The following PRKN variants were observed in gnomAD, a reference collection of about 807,000 sequenced individuals.
The protein encoded by PRKN is E3 ubiquitin-protein ligase parkin.
A neutral mutation model predicts 59.5 loss-of-function variants in PRKN; 56 were observed. The observed-to-expected ratio is 0.94, with a 90% CI of 0.76 to 1.18. The LOEUF is 1.18. Ranked by LOEUF, PRKN falls within the 50% of genes most tolerant of loss-of-function variation. The pLI, the probability that PRKN is intolerant of heterozygous loss-of-function variation, is 0.00. For synonymous variants in PRKN, 250 were observed against 222.1 expected (o/e 1.13, Z -1.12); for missense variants, 657 against 596.4 (o/e 1.10, Z -1.06).
intron 1 of PRKN, among the ~76,000 whole-genome samples, chr6:162,566,471 G>A (rs952985111): frequency 1.3e-5 from 2 of 152,024 alleles, no homozygotes; most frequent in African/African-American, 4.8e-5. Context: ...TACTGCAAAA[G>A]TTCAAAGGAT....
intron 1 of PRKN, among the ~76,000 whole-genome samples, chr6:162,519,025 C>T (rs1352195169): frequency 6.6e-6 from 1 of 151,968 alleles, no homozygotes; most frequent in Non-Finnish European, 1.5e-5. Context: ...TAAAAATTAA[C>T]CAGGTGTGGT....
intron 5 of PRKN, among the ~76,000 whole-genome samples, chr6:161,983,833 C>T (rs1781334318): frequency 8.9e-6 from 1 of 112,324 alleles, no homozygotes; most frequent in Non-Finnish European, 1.8e-5. Flanking sequence ...GTGCAGCGCA[C>T]CAGCACGGCA....
At chr6:161,617,020 C>T (rs1048139738) in intron 7 of PRKN, among the ~76,000 whole-genome samples, 3 of 152,184 alleles carry the variant, frequency 2.0e-5, no homozygotes, top group African/African-American at 7.2e-5. Flanking sequence ...ATTTACACTT[C>T]CACTATCAGT....
In PRKN at chr6:162,596,380, T is replaced by A. The variant is rs1299353297; in HGVS notation, c.7+131282A>T. On this transcript the variant is annotated intron_variant, in intron 1 of 11. Transcript: ENST00000366898. ...CTTTATTATTTTCTCGCTAATCATG[T>A]CCATTGAGTGAAAGGAATAATTGTT... Among the ~76,000 whole-genome samples, 5 of 152,200 alleles carry A rather than the reference T, an allele frequency of 3.3e-5. No homozygotes were observed. In the East Asian group the frequency reaches 9.6e-4, roughly 29 times the overall value.
At chr6:162,352,494 T>C (rs1229142095) in intron 2 of PRKN, among the ~76,000 whole-genome samples, 1 of 152,092 alleles carries the variant, frequency 6.6e-6, no homozygotes, top group African/African-American at 2.4e-5. Context: ...TGGCAAAAAA[T>C]CTGGTCAGGT....
intron 6 of PRKN, among the ~76,000 whole-genome samples, chr6:161,969,345 G>A (rs898546002): frequency 1.3e-5 from 2 of 151,284 alleles, no homozygotes; most frequent in African/African-American, 4.9e-5. Flanking sequence ...GACAGCCAAG[G>A]TACCCAAGGG....
At chr6:161,772,620 G>A (rs1307360088) in intron 7 of PRKN, among the ~76,000 whole-genome samples, 6 of 152,074 alleles carry the variant, frequency 3.9e-5, no homozygotes, top group Admixed American at 6.6e-5. Context: ...AATATAAGAC[G>A]CACTCTCACC....
At chr6:162,167,116 T>A (rs1264507814) in intron 4 of PRKN, among the ~76,000 whole-genome samples, 1 of 152,166 alleles carries the variant, frequency 6.6e-6, no homozygotes, top group Non-Finnish European at 1.5e-5. Context: ...ACAGTGATGT[T>A]CTAGGAAATT....
intron 7 of PRKN, among the ~76,000 whole-genome samples, chr6:161,737,480 G>T (rs1449935995): frequency 6.6e-6 from 1 of 152,206 alleles, no homozygotes; most frequent in African/African-American, 2.4e-5. Context: ...AGTGTGGATA[G>T]AAATAAGTAC....
At chr6:162,553,933 G>A (rs929390239) in intron 1 of PRKN, among the ~76,000 whole-genome samples, 1 of 151,504 alleles carries the variant, frequency 6.6e-6, no homozygotes, top group African/African-American at 2.4e-5. Context: ...AAAGACAGGA[G>A]TCATGGCAGG....
chr6:162,338,981 A>G (rs1184960667), intron 2 of PRKN, among the ~76,000 whole-genome samples: 88 of 137,260 alleles, frequency 6.4e-4, no homozygotes, highest in Non-Finnish European at 9.2e-4. Flanking sequence ...CTGCCCGGCC[A>G]CCCTGTCTGA....
At chr6:161,681,389 ATAACT>A (rs1238718061) in intron 7 of PRKN, among the ~76,000 whole-genome samples, 1 of 152,188 alleles carries the variant, frequency 6.6e-6, no homozygotes, top group Non-Finnish European at 1.5e-5. Context: ...ATCAGGAAAA[ATAACT>A]TAAGTTATCA....
At chr6:162,702,370 T>C (rs1778189134) in intron 1 of PRKN, among the ~76,000 whole-genome samples, 1 of 152,166 alleles carries the variant, frequency 6.6e-6, no homozygotes, top group South Asian at 2.1e-4. Flanking sequence ...AGATGGTCAC[T>C]GTAAAGAAGT....
At chr6:162,006,975 C>T (rs1262983889) in intron 5 of PRKN, among the ~76,000 whole-genome samples, 2 of 151,904 alleles carry the variant, frequency 1.3e-5, no homozygotes, top group Non-Finnish European at 2.9e-5. Context: ...TCTATATATA[C>T]AGTTAAAAAA....
At chr6:162,071,438 G>A (rs997870258) in intron 4 of PRKN, among the ~76,000 whole-genome samples, 1 of 151,864 alleles carries the variant, frequency 6.6e-6, no homozygotes, top group Non-Finnish European at 1.5e-5. Context: ...TGTATCTCAT[G>A]GAATATAGTT....
chr6:162,217,261 G>A (rs1777718103), intron 3 of PRKN, among the ~76,000 whole-genome samples: 1 of 152,142 alleles, frequency 6.6e-6, no homozygotes, highest in Non-Finnish European at 1.5e-5. Flanking sequence ...CCTTTCTACA[G>A]CCTCTGTGTG....
rs1479045948 is a variant in PRKN at position 161,633,992 on chromosome 6, ACTT to A, written c.872-64579_872-64577del. Reference sequence around the variant, plus strand: ...GGAGGGGGCTTTAACCAAATGGAAAACTTAAACACACACACACACACACACACA... The same window carrying A: ...GGAGGGGGCTTTAACCAAATGGAAAAAAACACACACACACACACACACACA... On this transcript the variant is annotated intron_variant, in intron 7 of 11. Coordinates refer to ENST00000366898, the MANE Select transcript of PRKN (RefSeq NM_004562.3). Among the ~76,000 whole-genome samples, 5 of 118,034 alleles carry A rather than the reference ACTT, an allele frequency of 4.2e-5. No homozygotes were observed. In the Admixed American group the frequency reaches 5.0e-4, roughly 12 times the overall value. The allele number at this position is 118,034 out of a possible 152,430, so 77.4% of individuals were successfully genotyped here.
chr6:162,479,577 C>T (rs1383720711), intron 1 of PRKN, among the ~76,000 whole-genome samples: 1 of 152,022 alleles, frequency 6.6e-6, no homozygotes, highest in Non-Finnish European at 1.5e-5. Context: ...CACACAGTAG[C>T]CTGGGCTTAG....
chr6:161,388,385 G>A lies in PRKN; in HGVS notation c.1084-1508C>T, dbSNP rs1028840698. Reference sequence around the variant, plus strand: ...CCCCTACTCCATTTCATAGGAAGGAGTTTCCTCACCAGAAAACTGGTTTCT... The same window carrying A: ...CCCCTACTCCATTTCATAGGAAGGAATTTCCTCACCAGAAAACTGGTTTCT... On this transcript the variant is annotated intron_variant, in intron 9 of 11. Transcript: ENST00000366898. This position sits in a 1 kb window ranked among gnomAD's most constrained non-coding sequence, Gnocchi z 4.3. 1.3e-5 allele frequency among the ~76,000 whole-genome samples: 2 copies of A among 152,232 alleles called. No individual in the cohort carries two copies. The highest frequency in any genetic ancestry group is 2.9e-5 in the Non-Finnish European group (2 of 68,044).
Sources: gnomAD v4.1 joint callset for allele counts (sites outside exome capture counted in the v4.1 genomes callset) on GRCh38, gnomAD v4.1.1 for gene constraint, Gnocchi (gnomAD v3.1) non-coding constraint, MANE v1.5 for transcripts, NCBI Gene and HGNC (gene_info 2026-07-23, HGNC 2026-07-21) for gene names.